B4GALT6: variants seen among roughly 807,000 people sequenced by gnomAD.
The protein encoded by B4GALT6 is UDP-Gal:beta-GlcNAc beta-1,4-galactosyltransferase 6.
A neutral mutation model predicts 46.3 loss-of-function variants in B4GALT6; 14 were observed. The observed-to-expected ratio is 0.30, with a 90% confidence interval of 0.20 to 0.47. B4GALT6 has a LOEUF of 0.47. Ranked by LOEUF, B4GALT6 falls within the 20% of genes least tolerant of loss-of-function variation. The pLI is 0.99. For synonymous variants in B4GALT6, 168 were observed against 162.0 expected (o/e 1.04, Z -0.28); for missense variants, 386 against 480.1 (o/e 0.80, Z 1.83).
intron 5 of B4GALT6, among the ~76,000 whole-genome samples, chr18:31,631,888 A>G (rs1482955517): frequency 1.3e-5 from 2 of 152,218 alleles, no homozygotes; most frequent in African/African-American, 2.4e-5. Context: ...ACATTAAAGT[A>G]CATGGGCAAT....
In B4GALT6 at chr18:31,684,372, T is replaced by C. The variant is rs773183141; in HGVS notation, c.55A>G (p.Ile19Val). ...GACGAAGAGAGGGAGAAGAAGAAGATGAAGGCGAGGAGAGAGCGATTGGAA... is the reference window on the plus strand; with the variant it reads ...GACGAAGAGAGGGAGAAGAAGAAGACGAAGGCGAGGAGAGAGCGATTGGAA... Reference protein sequence around the residue: ...RVSNRSLLAFIFFFSLSSSCL... With the variant: ...RVSNRSLLAFVFFFSLSSSCL... Residue 19 changes from isoleucine to valine, a missense_variant, in exon 1 of 9, where the codon ATC becomes GTC. Ile to Val is a conservative substitution (Grantham distance 29, BLOSUM62 3). This residue lies in a region of B4GALT6 where 63 missense variants were observed against 41.3 expected (regional missense o/e 1.53). Transcript: ENST00000306851. The C allele has an allele frequency of 5.0e-6, 8 of 1,613,400 alleles. No individual in the cohort carries two copies. The highest frequency in any genetic ancestry group is 2.7e-5 in the African/African-American group (2 of 74,750).
At chr18:31,690,887 TA>T in the B4GALT6 span, among the ~76,000 whole-genome samples, 3 of 151,940 alleles carry the variant, frequency 2.0e-5, no homozygotes, top group Non-Finnish European at 4.4e-5. Flanking sequence ...CTCAGCAAAC[TA>T]ACACAGGAAC....
chr18:31,625,804 T>C, intron 8 of B4GALT6, 43 bp from the exon 9 acceptor site: 2 of 1,513,280 alleles, frequency 1.3e-6, no homozygotes, highest in East Asian at 2.3e-5. Flanking sequence ...CAAAACATGT[T>C]CAAAAAGGAA....
At chr18:31,629,583 C>A (rs1259046912) in intron 6 of B4GALT6, among the ~76,000 whole-genome samples, 6 of 146,846 alleles carry the variant, frequency 4.1e-5, no homozygotes, top group African/African-American at 1.5e-4. Context: ...GGCACGGTGG[C>A]TCATGCCTGT....
At chr18:31,652,740 CCA>C (rs2074088049) in intron 3 of B4GALT6, among the ~76,000 whole-genome samples, 1 of 152,210 alleles carries the variant, frequency 6.6e-6, no homozygotes, top group Non-Finnish European at 1.5e-5. Flanking sequence ...CAACTGGTCG[CCA>C]CATCTGGCCA....
chr18:31,691,354 G>A, the B4GALT6 span, among the ~76,000 whole-genome samples: 1 of 94,496 alleles, frequency 1.1e-5, no homozygotes, highest in Non-Finnish European at 2.1e-5. Flanking sequence ...TATTGCTCTG[G>A]GTTTTGTGTA....
chr18:31,677,939 G>GA (rs2074433124), intron 1 of B4GALT6, among the ~76,000 whole-genome samples: 1 of 152,140 alleles, frequency 6.6e-6, no homozygotes. Context: ...CCAAGCTCTA[G>GA]AAAAATCACT....
At chr18:31,658,122 A>C (rs760721382) in intron 2 of B4GALT6, 33 bp from the exon 3 acceptor site, 1 of 1,534,936 alleles carries the variant, frequency 6.5e-7, no homozygotes, top group Non-Finnish European at 8.9e-7. Context: ...ACAAAAAAAA[A>C]AAAAAGGCCT....
At chr18:31,649,156 G>A (rs1218701629) in intron 3 of B4GALT6, among the ~76,000 whole-genome samples, 1 of 152,144 alleles carries the variant, frequency 6.6e-6, no homozygotes, top group Admixed American at 6.6e-5. Flanking sequence ...CCAGCCATTG[G>A]TCACCTCCTG....
chr18:31,721,904 G>C, the B4GALT6 span, among the ~76,000 whole-genome samples: 1 of 151,976 alleles, frequency 6.6e-6, no homozygotes, highest in Non-Finnish European at 1.5e-5. Flanking sequence ...GTGTGTGTGT[G>C]TATGTGTGTA....
chr18:31,702,300 T>TTA, the B4GALT6 span, among the ~76,000 whole-genome samples: 2 of 152,200 alleles, frequency 1.3e-5, no homozygotes, highest in Admixed American at 1.3e-4. Context: ...CAGTTAACAC[T>TTA]TATATATATG....
At chr18:31,708,890 T>C in the B4GALT6 span, among the ~76,000 whole-genome samples, 1 of 152,228 alleles carries the variant, frequency 6.6e-6, no homozygotes, top group Non-Finnish European at 1.5e-5. Context: ...TTTCTCATTC[T>C]AGGTGCGCCA....
At chr18:31,658,842 G>C (rs1188094037) in intron 2 of B4GALT6, among the ~76,000 whole-genome samples, 1 of 152,144 alleles carries the variant, frequency 6.6e-6, no homozygotes, top group Non-Finnish European at 1.5e-5. Context: ...AAGGTGCTGA[G>C]AACAATCCCT....
At chr18:31,702,929 A>C in the B4GALT6 span, among the ~76,000 whole-genome samples, 7 of 152,334 alleles carry the variant, frequency 4.6e-5, no homozygotes, top group East Asian at 1.4e-3. Context: ...ATATAGACAC[A>C]CTTAGGTTCC....
At chr18:31,661,870 G>A (rs2144665958) in intron 2 of B4GALT6, among the ~76,000 whole-genome samples, 1 of 152,218 alleles carries the variant, frequency 6.6e-6, no homozygotes, top group South Asian at 2.1e-4. Context: ...CAATCCTTTT[G>A]TTAATGTCAT....
Position 31,638,344 on chromosome 18 carries a change from G to A in B4GALT6, c.588+300C>T, listed in dbSNP as rs139394748. ...AGATCAAGACCATCCTGGCTAACAC[G>A]GTGAAACCCTGTATCTACTAAAAAT... On this transcript the variant is annotated intron_variant, in intron 5 of 8. Coordinates refer to ENST00000306851, the MANE Select transcript of B4GALT6 (RefSeq NM_004775.5). 4.8e-3 allele frequency among the ~76,000 whole-genome samples: 732 copies of A among 152,158 alleles called. 10 individuals carry two copies. Among genetic ancestry groups the A allele is most frequent in the African/African-American group, 0.017 (699 of 41,480 alleles).
the B4GALT6 span, among the ~76,000 whole-genome samples, chr18:31,692,286 C>G: frequency 6.6e-6 from 1 of 152,166 alleles, no homozygotes. Context: ...CTGGCAAACA[C>G]TTTCCCAAAC....
intron 3 of B4GALT6, among the ~76,000 whole-genome samples, chr18:31,653,769 T>G (rs949930713): frequency 6.6e-6 from 1 of 152,102 alleles, no homozygotes; most frequent in Non-Finnish European, 1.5e-5. Context: ...ATAGCATGCC[T>G]TTCTCCAAGT....
rs574063101 is a variant in B4GALT6 at position 31,662,706 on chromosome 18, T to C, written c.232+3550A>G. Reference sequence around the variant, plus strand: ...AATACAAAAAATTAGCCAGGCATGGTGGCGGGCGCCTGTAGTCCCACCTAC... The same window carrying C: ...AATACAAAAAATTAGCCAGGCATGGCGGCGGGCGCCTGTAGTCCCACCTAC... On this transcript the variant is annotated intron_variant, in intron 2 of 8. Transcript: ENST00000306851. Among the ~76,000 whole-genome samples the C allele has an allele frequency of 2.9e-3, 444 of 152,244 alleles. 2 individuals carry two copies. Among genetic ancestry groups the C allele is most frequent in the African/African-American group, 0.01 (422 of 41,544 alleles).
Sources: gnomAD v4.1 joint callset for allele counts (sites outside exome capture counted in the v4.1 genomes callset) on GRCh38, gnomAD v4.1.1 for gene constraint, gnomAD v4.1.1 regional missense constraint, MANE v1.5 for transcripts, NCBI Gene and HGNC (gene_info 2026-07-23, HGNC 2026-07-21) for gene names.